NRG1: variants seen among roughly 807,000 people sequenced by gnomAD.
The protein encoded by NRG1 is pro-neuregulin-1, membrane-bound isoform.
Under a neutral mutation model 63.8 loss-of-function variants are expected in NRG1, and 18 were observed. The observed-to-expected ratio is 0.28, with a 90% CI of 0.19 to 0.42. The LOEUF is 0.42. NRG1 is among the 10% of genes least tolerant of loss of function. NRG1 has a pLI of 1.00. For synonymous variants in NRG1, 302 were observed against 301.3 expected, an observed-to-expected ratio of 1.00 and a Z score of -0.02; for missense variants, 762 against 814.7, an observed-to-expected ratio of 0.94 and a Z score of 0.79.
At chr8:32,464,524 G>A (rs944765768) in intron 1 of NRG1, among the ~76,000 whole-genome samples, 1 of 152,136 alleles carries the variant, frequency 6.6e-6, no homozygotes. Flanking sequence ...TAATGCTCCT[G>A]TAGTTCATAC....
chr8:32,413,008 C>T (rs1434404617), intron 1 of NRG1, among the ~76,000 whole-genome samples: 1 of 152,162 alleles, frequency 6.6e-6, no homozygotes, highest in Admixed American at 6.6e-5. Flanking sequence ...CACACTGCAT[C>T]TGGAAGGAGT....
chr8:31,704,830 TAA>T lies in NRG1; in HGVS notation c.37+65417_37+65418del, dbSNP rs373101607. 6.5e-3 allele frequency among the ~76,000 whole-genome samples: 774 copies of T among 118,798 alleles called. 1 individual carries two copies. The highest frequency in any genetic ancestry group is 0.03 in the South Asian group (106 of 3,562). 77.9% of individuals were successfully genotyped at this position (118,798 alleles called of 152,430 possible). ...CTGGGCGACAGAGTGAGACTCCGTC[TAA>T]AAAAAAAAAAAAAAAAAGAAATTAC... On this transcript the variant is annotated intron_variant, in intron 1 of 10. Coordinates refer to the NRG1 transcript ENST00000519301.
At chr8:32,698,967 C>A (rs957821163) in intron 5 of NRG1, among the ~76,000 whole-genome samples, 1 of 152,120 alleles carries the variant, frequency 6.6e-6, no homozygotes, top group African/African-American at 2.4e-5. Context: ...TATATTCCAC[C>A]TCATTCATTT....
intron 1 of NRG1, among the ~76,000 whole-genome samples, chr8:32,322,795 A>G (rs1801565900): frequency 6.6e-6 from 1 of 151,864 alleles, no homozygotes; most frequent in Non-Finnish European, 1.5e-5. Context: ...GCCCCATGAT[A>G]TATTTTCAAA....
intron 1 of NRG1, among the ~76,000 whole-genome samples, chr8:32,046,643 A>T (rs555234322): frequency 2.0e-5 from 3 of 152,132 alleles, no homozygotes; most frequent in Non-Finnish European, 4.4e-5. Context: ...AACAACTTGG[A>T]TGAATTTCAA....
At chr8:31,678,125 C>A (rs77512171) in intron 1 of NRG1, among the ~76,000 whole-genome samples, 5,452 of 145,804 alleles carry the variant, frequency 0.037, 251 homozygotes, top group African/African-American at 0.11. Context: ...CCTTTAAACT[C>A]TTTGAATTAT....
intron 1 of NRG1, among the ~76,000 whole-genome samples, chr8:32,226,512 T>A (rs1846341634): frequency 6.6e-6 from 1 of 152,178 alleles, no homozygotes; most frequent in Non-Finnish European, 1.5e-5. Context: ...TTTCTGGCAT[T>A]TGAACTTGCC....
rs1377524362 is a variant in NRG1 at position 32,722,130 on chromosome 8, G to A, written c.503-5819G>A. The A allele has an allele frequency of 7.2e-6, 8 of 1,108,792 alleles. No individual in the cohort carries two copies. In the East Asian group the frequency reaches 1.8e-4, roughly 25 times the overall value. The allele number at this position is 1,108,792 out of a possible 1,614,324, so 68.7% of individuals were successfully genotyped here. A position where few individuals can be genotyped will look rare whatever the true frequency, so the allele number is the denominator to read the frequency against. ...ATGTGCATATTTTATTAAGCAAATGGCGTAGAGTTATTTGGTTTAATTTTC... is the reference window on the plus strand; with the variant it reads ...ATGTGCATATTTTATTAAGCAAATGACGTAGAGTTATTTGGTTTAATTTTC... On this transcript the variant is annotated intron_variant, in intron 5 of 11. Coordinates refer to ENST00000356819, the Ensembl canonical transcript of NRG1.
At chr8:32,182,750 A>G (rs1452098197) in intron 1 of NRG1, among the ~76,000 whole-genome samples, 1 of 152,158 alleles carries the variant, frequency 6.6e-6, no homozygotes, top group Non-Finnish European at 1.5e-5. Context: ...TTTACAAAAC[A>G]GTGTTAATAC....
chr8:32,380,785 C>T (rs1438555048), intron 1 of NRG1, among the ~76,000 whole-genome samples: 1 of 152,114 alleles, frequency 6.6e-6, no homozygotes, highest in Non-Finnish European at 1.5e-5. Context: ...TTTGTTAATG[C>T]ATAATAAATG....
At chr8:31,880,982 A>G (rs1394638830) in intron 1 of NRG1, among the ~76,000 whole-genome samples, 1 of 152,220 alleles carries the variant, frequency 6.6e-6, no homozygotes, top group African/African-American at 2.4e-5. Context: ...TAGAAGGGAT[A>G]GAGTATGAGA....
At chr8:32,154,202 G>A (rs1837810579) in intron 1 of NRG1, among the ~76,000 whole-genome samples, 1 of 152,086 alleles carries the variant, frequency 6.6e-6, no homozygotes, top group Non-Finnish European at 1.5e-5. Context: ...CTATCTCTAG[G>A]CCATATTGAG....
intron 8 of NRG1, among the ~76,000 whole-genome samples, chr8:32,755,825 C>A (rs1486250812): frequency 1.3e-5 from 2 of 152,056 alleles, no homozygotes; most frequent in African/African-American, 4.8e-5. Flanking sequence ...TCACTGCAAC[C>A]TCCCCCTCCC....
At chr8:32,198,571 A>G (rs919277228) in intron 1 of NRG1, among the ~76,000 whole-genome samples, 2 of 152,186 alleles carry the variant, frequency 1.3e-5, no homozygotes, top group Non-Finnish European at 1.5e-5. Flanking sequence ...TTCATAATGG[A>G]TCTTTCTCCA....
chr8:32,305,767 C>A (rs572335586), intron 1 of NRG1, among the ~76,000 whole-genome samples: 1 of 152,298 alleles, frequency 6.6e-6, no homozygotes, highest in South Asian at 2.1e-4. Context: ...GGGGATGTTA[C>A]CTTAAGCCCA....
rs1471287480 is a variant in NRG1, at chr8:31,911,690, A to G, written c.37+272259A>G. ...GAAACCCCATGACATGAGTTTACCT[A>G]AACAACAAACCTGCACATGTACCTC... On this transcript the variant is annotated intron_variant, in intron 1 of 10. Transcript: ENST00000519301. Among the ~76,000 whole-genome samples the G allele has an allele frequency of 2.6e-5, 4 of 152,210 alleles. No individual in the cohort carries two copies. In the East Asian group the frequency reaches 5.8e-4, roughly 22 times the overall value.
chr8:31,820,831 T>C (rs1697038014), intron 1 of NRG1, among the ~76,000 whole-genome samples: 1 of 152,214 alleles, frequency 6.6e-6, no homozygotes, highest in Admixed American at 6.5e-5. Flanking sequence ...CAATTCATGC[T>C]GTCTGGATAT....
At chr8:32,685,633 C>T (rs954078747) in intron 5 of NRG1, among the ~76,000 whole-genome samples, 10 of 152,154 alleles carry the variant, frequency 6.6e-5, no homozygotes, top group African/African-American at 2.4e-4. Flanking sequence ...ACGTTCTTTT[C>T]AACTTTAAAA....
chr8:31,648,739 TC>T (rs1688542489), intron 1 of NRG1, among the ~76,000 whole-genome samples: 2 of 152,172 alleles, frequency 1.3e-5, no homozygotes. Flanking sequence ...AGAATTTCCT[TC>T]TTTTGAAAGG....
Sources: allele counts gnomAD v4.1 joint callset (sites outside exome capture counted in the v4.1 genomes callset), GRCh38; gene constraint gnomAD v4.1.1; transcripts MANE v1.5; gene names NCBI Gene and HGNC (gene_info 2026-07-23, HGNC 2026-07-21).